SOCS7: variants seen among roughly 807,000 people sequenced by gnomAD.
SOCS7 encodes the protein NAP-4.
Under a neutral mutation model 58.9 loss-of-function variants are expected in SOCS7, and 18 were observed. That is an observed-to-expected ratio of 0.31 (90% CI 0.21 to 0.45). The LOEUF is 0.45. Ranked by LOEUF, SOCS7 falls within the 20% of genes least tolerant of loss-of-function variation. The pLI, the probability that SOCS7 is intolerant of heterozygous loss-of-function variation, is 1.00. For synonymous variants in SOCS7, 388 were observed against 364.3 expected, an observed-to-expected ratio of 1.06 and a Z score of -0.74; for missense variants, 667 against 837.3, an observed-to-expected ratio of 0.80 and a Z score of 2.51.
At chr17:38,398,545 T>C (rs1234134539) in intron 9 of SOCS7, among the ~76,000 whole-genome samples, 4 of 152,034 alleles carry the variant, frequency 2.6e-5, no homozygotes, top group Admixed American at 2.0e-4. Flanking sequence ...CTGTGCCCCA[T>C]TGGGAAAGGT....
rs975791013 is a variant in SOCS7, at chr17:38,404,262, A to G, written c.*4780A>G. ...TTGTACTGAAAATGTTGATTCTCTA[A>G]TCTGCCAGAAAAGGACCTGTCTTTT... is the stretch of plus-strand genomic sequence containing the variant. On this transcript the variant is annotated 3_prime_UTR_variant, in exon 10 of 10. Coordinates refer to ENST00000612932, the MANE Select transcript of SOCS7 (RefSeq NM_014598.4). 3.3e-5 allele frequency: 5 copies of G among 152,164 alleles called. No homozygotes were observed. The highest frequency in any genetic ancestry group is 2.0e-4 in the Admixed American group (3 of 15,282). The allele number at this position is 152,164 out of a possible 1,614,324, so 9.4% of individuals were successfully genotyped here. A position where few individuals can be genotyped will look rare whatever the true frequency, so the allele number is the denominator to read the frequency against.
chr17:38,395,529 C>T, intron 8 of SOCS7, 85 bp downstream of exon 8: 3 of 1,348,162 alleles, frequency 2.2e-6, no homozygotes, highest in Non-Finnish European at 3.1e-6. Context: ...TGCAAGCTAC[C>T]TTCACAGGCA....
At chr17:38,395,772 A>G in intron 8 of SOCS7, 76 bp from the exon 9 acceptor site, 9 of 1,426,148 alleles carry the variant, frequency 6.3e-6, no homozygotes, top group Non-Finnish European at 8.7e-6. Flanking sequence ...AGTGAAGAAG[A>G]GTTGAACAAA....
At chr17:38,376,790 C>A (rs1313148955) in intron 6 of SOCS7, among the ~76,000 whole-genome samples, 1 of 152,036 alleles carries the variant, frequency 6.6e-6, no homozygotes, top group East Asian at 1.9e-4. Flanking sequence ...CAAAGACCTG[C>A]TTATATGTGT....
chr17:38,397,926 A>G (rs150945325), intron 9 of SOCS7, among the ~76,000 whole-genome samples: 366 of 152,192 alleles, frequency 2.4e-3, no homozygotes, highest in Non-Finnish European at 4.3e-3. Flanking sequence ...CCGATACCCA[A>G]ATATCAAGGA....
rs146778247 is a variant in SOCS7 at position 38,359,503 on chromosome 17, T to C, written c.981-2208T>C. 8.8e-3 allele frequency among the ~76,000 whole-genome samples: 1,342 copies of C among 152,298 alleles called. 17 individuals carry two copies. The highest frequency in any genetic ancestry group is 0.014 in the Non-Finnish European group (957 of 68,018). ...AGGTGAATTCTGAGAAGCTCAGACA[T>C]CAGTGTTAAAACATAAATGCATAAA... On this transcript the variant is annotated intron_variant, in intron 1 of 9. Transcript: ENST00000612932.
chr17:38,361,841 A>AC (rs1373553188), intron 2 of SOCS7, 66 bp downstream of exon 2: 2 of 1,135,194 alleles, frequency 1.8e-6, no homozygotes, highest in Admixed American at 4.3e-5. Flanking sequence ...CTGTTGGGAA[A>AC]CACTTACAGA....
At chr17:38,361,690 C>G in intron 1 of SOCS7, 21 bp from the exon 2 acceptor site, 1 of 1,601,342 alleles carries the variant, frequency 6.2e-7, no homozygotes, top group Non-Finnish European at 8.6e-7. Context: ...TCTATTCTCT[C>G]TCTGCTTTCT....
chr17:38,360,169 A>G (rs912006281), intron 1 of SOCS7, among the ~76,000 whole-genome samples: 4 of 150,588 alleles, frequency 2.7e-5, no homozygotes, highest in Non-Finnish European at 4.4e-5. Flanking sequence ...CATAACTTCT[A>G]CCATAATCAG....
chr17:38,352,275 G>A lies in SOCS7; in HGVS notation c.223G>A (p.Glu75Lys). Reference protein sequence around the residue: ...MVFRNVGRPPEEEDVEAAPEP... With the variant: ...MVFRNVGRPPKEEDVEAAPEP... Reference sequence around the variant, plus strand: ...GTTCCGCAACGTGGGTCGGCCGCCGGAGGAGGAGGACGTGGAGGCGGCCCC... The same window carrying A: ...GTTCCGCAACGTGGGTCGGCCGCCGAAGGAGGAGGACGTGGAGGCGGCCCC... The change falls in exon 1 of 10, where the codon GAG becomes AAG. Residue 75 changes from glutamate (E) to lysine (K), a missense_variant. Glu to Lys is a moderately conservative substitution (Grantham distance 56). Around this residue, in one of 9 missense-constraint regions of SOCS7, gnomAD observed 154 missense variants for 156.3 expected, o/e 0.98. Coordinates refer to ENST00000612932, the MANE Select transcript of SOCS7 (RefSeq NM_014598.4). The surrounding 1 kb of genome is among the most constrained non-coding windows in gnomAD (Gnocchi z 5.5). The A allele has an allele frequency of 6.8e-7, 1 of 1,480,742 alleles. No homozygotes were observed. Among genetic ancestry groups the A allele is most frequent in the Non-Finnish European group, 8.9e-7 (1 of 1,125,582 alleles). 91.7% of individuals were successfully genotyped at this position (1,480,742 alleles called of 1,614,324 possible). A position where few individuals can be genotyped will look rare whatever the true frequency, so the allele number is the denominator to read the frequency against.
chr17:38,365,323 C>T lies in SOCS7; in HGVS notation c.1166C>T (p.Thr389Met), dbSNP rs751564657. The T allele has an allele frequency of 5.5e-5, 89 of 1,611,608 alleles. No homozygotes were observed. Among genetic ancestry groups the T allele is most frequent in the Non-Finnish European group, 6.8e-5 (80 of 1,178,886 alleles). Residue 389 changes from threonine (T) to methionine (M), a missense_variant, in exon 4 of 10, where the codon ACG (threonine) becomes ATG (methionine). Transcript: ENST00000612932. Reference protein sequence around the residue: ...SLSLLDDISGTLPTSVLVAPM... With the variant: ...SLSLLDDISGMLPTSVLVAPM... ...TCTCTTCTAGATGATATCAGTGGGA[C>T]GCTGCCTACATCTGTCCTTGTGGCT...
chr17:38,377,220 AT>A (rs2037943273), intron 6 of SOCS7, among the ~76,000 whole-genome samples: 1 of 152,246 alleles, frequency 6.6e-6, no homozygotes, highest in Non-Finnish European at 1.5e-5. Context: ...TCAGTGAACA[AT>A]TTTATATCAT....
At position 38,352,291 on chromosome 17, in the gene SOCS7, A is replaced by G; in HGVS notation, c.239A>G (p.Glu80Gly). ...CGGCCGCCGGAGGAGGAGGACGTGG[A>G]GGCGGCCCCGGAGCCGGGACCCTCG... ...VGRPPEEEDV[E>G]AAPEPGPSEL... The change falls in exon 1 of 10, where the codon GAG becomes GGG. Residue 80 changes from glutamate (E) to glycine (G), a missense_variant. By Grantham distance (98) the Glu-to-Gly change is moderately conservative. Coordinates refer to ENST00000612932, the MANE Select transcript of SOCS7 (RefSeq NM_014598.4). This position sits in a 1 kb window ranked among gnomAD's most constrained non-coding sequence, Gnocchi z 5.5. The G allele has an allele frequency of 6.7e-7, 1 of 1,487,762 alleles. No individual in the cohort carries two copies. Among genetic ancestry groups the G allele is most frequent in the Non-Finnish European group, 8.9e-7 (1 of 1,129,282 alleles). The allele number at this position is 1,487,762 out of a possible 1,614,324, so 92.2% of individuals were successfully genotyped here.
At chr17:38,389,882 TGTAC>T (rs1381460820) in intron 7 of SOCS7, among the ~76,000 whole-genome samples, 5 of 104,786 alleles carry the variant, frequency 4.8e-5, no homozygotes, top group African/African-American at 2.5e-4. Context: ...TATATATATA[TGTAC>T]ATATATATAT....
intron 6 of SOCS7, among the ~76,000 whole-genome samples, chr17:38,369,580 T>C (rs1348106816): frequency 6.6e-6 from 1 of 152,046 alleles, no homozygotes; most frequent in Non-Finnish European, 1.5e-5. Context: ...TTCAAATGAC[T>C]AGGCCCTGGG....
rs2038380771 is a variant in SOCS7, at chr17:38,405,539, A to G, written c.*6057A>G. 1 of 152,078 alleles carries G rather than the reference A, an allele frequency of 6.6e-6. No homozygotes were observed. Among genetic ancestry groups the G allele is most frequent in the African/African-American group, 2.4e-5 (1 of 41,388 alleles). 9.4% of individuals were successfully genotyped at this position (152,078 alleles called of 1,614,324 possible). The stretch of plus-strand genomic sequence containing the variant: ...CTTTTTATGATTGCTGTACCTACCC[A>G]TGTCTTTTTGGGGAGGGGTGAAAAG... On this transcript the variant is annotated 3_prime_UTR_variant, in exon 10 of 10. Coordinates refer to ENST00000612932, the MANE Select transcript of SOCS7 (RefSeq NM_014598.4).
intron 7 of SOCS7, among the ~76,000 whole-genome samples, chr17:38,384,226 T>C (rs1255892984): frequency 6.6e-6 from 1 of 152,222 alleles, no homozygotes; most frequent in Non-Finnish European, 1.5e-5. Flanking sequence ...CATCAGCCCA[T>C]GGCCACTCCT....
In SOCS7 at chr17:38,364,802, T is replaced by A; in HGVS notation, c.1096T>A (p.Ser366Thr). The change falls in exon 3 of 10, where the codon TCT becomes ACT. Residue 366 changes from serine to threonine, a missense_variant. By Grantham distance (58) the Ser-to-Thr change is moderately conservative (BLOSUM62 1). This residue lies in a region of SOCS7 where 99 missense variants were observed against 122.9 expected (regional missense o/e 0.81). Transcript: ENST00000612932. ...GGACATTTCTCAGCGGGGCCTGACC[T>A]CTCCACACCCTCCAACTCCCCCTCC... is the stretch of plus-strand genomic sequence containing the variant. ...DVDISQRGLT[S>T]PHPPTPPPPP... The A allele has an allele frequency of 6.2e-7, 1 of 1,614,056 alleles. No individual in the cohort carries two copies. Among genetic ancestry groups the A allele is most frequent in the African/African-American group, 1.3e-5 (1 of 75,014 alleles).
chr17:38,402,521 CG>C lies in SOCS7; in HGVS notation c.*3042del, dbSNP rs1567757142. On this transcript the variant is annotated 3_prime_UTR_variant, in exon 10 of 10. Coordinates refer to ENST00000612932, the MANE Select transcript of SOCS7 (RefSeq NM_014598.4). ...GGCTGAGGTGGGTGGATCATGAGGT[CG>C]GGAGTTCAAGACCAGCTTGGCCAAA... The C allele has an allele frequency of 6.6e-6, 1 of 152,282 alleles. No individual in the cohort carries two copies. The highest frequency in any genetic ancestry group is 1.5e-5 in the Non-Finnish European group (1 of 68,142). The allele number at this position is 152,282 out of a possible 1,614,324, so 9.4% of individuals were successfully genotyped here.
Sources: allele counts gnomAD v4.1 joint callset (sites outside exome capture counted in the v4.1 genomes callset), GRCh38; gene constraint gnomAD v4.1.1; regional missense constraint gnomAD v4.1.1; non-coding constraint Gnocchi (gnomAD v3.1); transcripts MANE v1.5; gene names NCBI Gene and HGNC (gene_info 2026-07-23, HGNC 2026-07-21).